AFAP1: variants seen among roughly 807,000 people sequenced by gnomAD.
AFAP1 encodes actin filament associated protein 1, also known as actin filament-associated protein 1.
Under a neutral mutation model 93.9 loss-of-function variants are expected in AFAP1, and 75 were observed. The ratio of observed to expected loss-of-function variants is 0.80; its 90% CI spans 0.66 to 0.97. AFAP1 has a LOEUF of 0.97. AFAP1 is among the 50% of genes least tolerant of loss of function. AFAP1 has a pLI of 0.00. For synonymous variants in AFAP1, 517 were observed against 430.7 expected (o/e 1.20, Z -2.48); for missense variants, 1,201 against 1,050.8 (o/e 1.14, Z -1.98).
rs571620132 is a variant in AFAP1, at chr4:7,782,694, C to T, written c.1531-1067G>A. Among the ~76,000 whole-genome samples the T allele has an allele frequency of 3.3e-5, 5 of 152,320 alleles. No individual in the cohort carries two copies. The South Asian group carries it at 8.3e-4, about 25-fold the overall frequency. On this transcript the variant is annotated intron_variant, in intron 12 of 17. Coordinates refer to ENST00000420658, the MANE Select transcript of AFAP1 (RefSeq NM_001134647.2). ...GCAGTATTAATTCCTCTCTTATATT[C>T]CTTTTACCCCGTTGATAGTCTTCCT...
At chr4:7,899,233 C>A (rs1337604647) in intron 1 of AFAP1, among the ~76,000 whole-genome samples, 1 of 151,962 alleles carries the variant, frequency 6.6e-6, no homozygotes, top group African/African-American at 2.4e-5. Context: ...CTATAGGCGC[C>A]CCCACTGATA....
chr4:7,891,037 T>A (rs886792697), intron 1 of AFAP1, among the ~76,000 whole-genome samples: 2 of 151,822 alleles, frequency 1.3e-5, no homozygotes, highest in African/African-American at 4.8e-5. Context: ...ATAAACAGAT[T>A]GCAATATGTT....
intron 6 of AFAP1, among the ~76,000 whole-genome samples, chr4:7,826,204 G>A (rs1721407261): frequency 6.6e-6 from 1 of 152,188 alleles, no homozygotes; most frequent in African/African-American, 2.4e-5. Flanking sequence ...CCCGGTGACA[G>A]AATGAGTCCA....
chr4:7,914,444 T>C (rs1198878610), intron 1 of AFAP1, among the ~76,000 whole-genome samples: 1 of 152,180 alleles, frequency 6.6e-6, no homozygotes, highest in Non-Finnish European at 1.5e-5. Context: ...TGTCCTCCAG[T>C]TCCACCCACG....
intron 6 of AFAP1, among the ~76,000 whole-genome samples, chr4:7,832,600 G>A (rs1357188715): frequency 2.0e-5 from 3 of 149,158 alleles, no homozygotes; most frequent in African/African-American, 7.4e-5. Context: ...TCCTGATGAA[G>A]ACAATTAGAA....
intron 3 of AFAP1, among the ~76,000 whole-genome samples, chr4:7,867,129 AGCGGAG>A (rs1716510876): frequency 4.6e-5 from 1 of 21,920 alleles, no homozygotes; most frequent in Non-Finnish European, 1.2e-4. Flanking sequence ...AGGGTAGGGG[AGCGGAG>A]GGGAGGGGAG....
At chr4:7,891,293 G>A (rs1042462056) in intron 1 of AFAP1, among the ~76,000 whole-genome samples, 4 of 152,170 alleles carry the variant, frequency 2.6e-5, no homozygotes, top group African/African-American at 9.7e-5. Context: ...TGACAGCAGG[G>A]GCTGTGAGTG....
In AFAP1 at chr4:7,788,277, G is replaced by GT. The variant is rs372914954; in HGVS notation, c.1413-1967dup. 1.6e-3 allele frequency among the ~76,000 whole-genome samples: 244 copies of GT among 152,330 alleles called. 1 individual carries two copies. The highest frequency in any genetic ancestry group is 5.7e-3 in the African/African-American group (235 of 41,586). On this transcript the variant is annotated intron_variant, in intron 11 of 17. Coordinates refer to ENST00000420658, the MANE Select transcript of AFAP1 (RefSeq NM_001134647.2). ...GATCACCAGATGAAGAAAACACAGCGTAAGTGAAAACCGGGGAGAGAAACA... is the reference window on the plus strand; with the variant it reads ...GATCACCAGATGAAGAAAACACAGCGTTAAGTGAAAACCGGGGAGAGAAACA...
chr4:7,899,002 T>C (rs1718961734), intron 1 of AFAP1, among the ~76,000 whole-genome samples: 1 of 141,928 alleles, frequency 7.0e-6, no homozygotes, highest in Non-Finnish European at 1.6e-5. Context: ...TACACAAATG[T>C]ATATATATAA....
intron 11 of AFAP1, among the ~76,000 whole-genome samples, chr4:7,787,786 C>T (rs1717445620): frequency 6.6e-6 from 1 of 152,142 alleles, no homozygotes; most frequent in South Asian, 2.1e-4. Flanking sequence ...CCCAGGGCCT[C>T]GGGGCTCCGA....
chr4:7,886,248 G>A (rs1425509833), intron 1 of AFAP1, among the ~76,000 whole-genome samples: 1 of 152,156 alleles, frequency 6.6e-6, no homozygotes, highest in Non-Finnish European at 1.5e-5. Context: ...ACAGTTATGT[G>A]CCTACCAAGG....
chr4:7,816,654 G>A (rs1720506779), intron 7 of AFAP1, among the ~76,000 whole-genome samples: 1 of 152,166 alleles, frequency 6.6e-6, no homozygotes, highest in African/African-American at 2.4e-5. Flanking sequence ...TGAGTAATTA[G>A]GATTCCACGT....
At chr4:7,921,358 AT>A (rs1720433444) in intron 1 of AFAP1, among the ~76,000 whole-genome samples, 1 of 151,444 alleles carries the variant, frequency 6.6e-6, no homozygotes, top group Admixed American at 6.6e-5. Context: ...TAATTTTTTT[AT>A]TTTTAGCAGA....
chr4:7,777,528 T>G (rs1010805596), intron 14 of AFAP1: 4 of 152,192 alleles, frequency 2.6e-5, no homozygotes, highest in African/African-American at 9.7e-5. Flanking sequence ...ACAGGGCAAA[T>G]GAATGTCGGC....
At chr4:7,790,582 G>A (rs892626646) in intron 11 of AFAP1, among the ~76,000 whole-genome samples, 1 of 152,160 alleles carries the variant, frequency 6.6e-6, no homozygotes, top group Non-Finnish European at 1.5e-5. Context: ...AATAAATATA[G>A]TGAACAACCA....
At chr4:7,931,393 TTTG>T (rs934673604) in intron 1 of AFAP1, among the ~76,000 whole-genome samples, 1 of 152,116 alleles carries the variant, frequency 6.6e-6, no homozygotes, top group African/African-American at 2.4e-5. Flanking sequence ...GATATGGTTT[TTTG>T]TTTTTGTTTT....
chr4:7,851,554 G>A (rs1411009242), intron 4 of AFAP1, among the ~76,000 whole-genome samples: 1 of 152,202 alleles, frequency 6.6e-6, no homozygotes, highest in Non-Finnish European at 1.5e-5. Flanking sequence ...AGAGGATCTT[G>A]ATACTCGGGT....
At chr4:7,843,858 A>T (rs1332822949) in intron 4 of AFAP1, 1 of 164,380 alleles carries the variant, frequency 6.1e-6, no homozygotes, top group Non-Finnish European at 1.3e-5. Context: ...CTTCTGGGGC[A>T]TCCTTGGAAC....
intron 1 of AFAP1, among the ~76,000 whole-genome samples, chr4:7,923,645 AT>A (rs1274101930): frequency 6.6e-6 from 1 of 152,120 alleles, no homozygotes; most frequent in Non-Finnish European, 1.5e-5. Context: ...CGCCCAACTA[AT>A]TTTTGTATTT....
Sources: allele counts gnomAD v4.1 joint callset (sites outside exome capture counted in the v4.1 genomes callset), GRCh38; gene constraint gnomAD v4.1.1; transcripts MANE v1.5; gene names NCBI Gene and HGNC (gene_info 2026-07-23, HGNC 2026-07-21).